The following ZNF512 variants were observed in gnomAD, a reference collection of about 807,000 sequenced individuals.
ZNF512 encodes zinc finger protein 512.
ZNF512 carries 25 observed loss-of-function variants against 77.5 expected under a neutral mutation model. That is an observed-to-expected ratio of 0.32 (90% CI 0.23 to 0.45). ZNF512 has a LOEUF of 0.45. Ranked by LOEUF, ZNF512 falls within the 20% of genes least tolerant of loss-of-function variation. The pLI is 1.00. For missense variants in ZNF512, 483 were observed against 692.6 expected (o/e 0.70, Z 3.40); for synonymous variants, 246 against 239.9 (o/e 1.03, Z -0.24).
chr2:27,610,252 T>C, intron 10 of ZNF512, among the ~76,000 whole-genome samples: 1 of 148,234 alleles, frequency 6.7e-6, no homozygotes, highest in Non-Finnish European at 1.5e-5. Flanking sequence ...TACTCTAAGC[T>C]ACTTGGGAGG....
chr2:27,597,339 A>G (rs745971436), intron 2 of ZNF512, among the ~76,000 whole-genome samples: 4 of 152,220 alleles, frequency 2.6e-5, no homozygotes, highest in Non-Finnish European at 4.4e-5. Context: ...TTAGCTGGAA[A>G]AGGGAGGTTC....
At chr2:27,604,421 C>T (rs1412761912) in intron 9 of ZNF512, among the ~76,000 whole-genome samples, 2 of 151,456 alleles carry the variant, frequency 1.3e-5, no homozygotes, top group Non-Finnish European at 2.9e-5. Flanking sequence ...TAATGTTTAC[C>T]ATTTTAGTGC....
intron 10 of ZNF512, among the ~76,000 whole-genome samples, chr2:27,611,886 C>CG (rs1672682045): frequency 6.6e-6 from 1 of 151,918 alleles, no homozygotes. Flanking sequence ...ATGGTAGAGA[C>CG]GGGGTTTCAC....
In ZNF512 at chr2:27,594,364, A is replaced by T. The variant is rs1156519519; in HGVS notation, c.90-3703A>T. Reference sequence around the variant, plus strand: ...TGGCGGCCGGGCGGAGGCGCTCCTCACCTCCCAGAAGGGGTGGCGGCCGGG... The same window carrying T: ...TGGCGGCCGGGCGGAGGCGCTCCTCTCCTCCCAGAAGGGGTGGCGGCCGGG... On this transcript the variant is annotated intron_variant, in intron 2 of 13. Transcript: ENST00000355467. 5.2e-5 allele frequency among the ~76,000 whole-genome samples: 7 copies of T among 135,118 alleles called. No homozygotes were observed. The South Asian group carries it at 1.5e-3, about 28-fold the overall frequency. The allele number at this position is 135,118 out of a possible 152,430, so 88.6% of individuals were successfully genotyped here.
chr2:27,603,586 G>GTGTGTGTGTGTGTGTGTGTGTGTGTA lies in ZNF512; in HGVS notation c.936+280_936+281insGTGTGTGTGTGTGTGTGTGTGTGTAT, dbSNP rs140043162. Reference sequence around the variant, plus strand: ...ATATTTTTATATAGTGTGTGTGTGTGTATATTTTTTTTTTTTTTTTTCTTC... The same window carrying GTGTGTGTGTGTGTGTGTGTGTGTGTA: ...ATATTTTTATATAGTGTGTGTGTGTGTGTGTGTGTGTGTGTGTGTGTGTGTATATATTTTTTTTTTTTTTTTTCTTC... On this transcript the variant is annotated intron_variant, in intron 9 of 13. Transcript: ENST00000355467. Among the ~76,000 whole-genome samples the GTGTGTGTGTGTGTGTGTGTGTGTGTA allele has an allele frequency of 1.2e-3, 88 of 72,480 alleles. 1 individual carries two copies. Among genetic ancestry groups the GTGTGTGTGTGTGTGTGTGTGTGTGTA allele is most frequent in the African/African-American group, 4.8e-3 (82 of 17,034 alleles). 47.5% of individuals were successfully genotyped at this position (72,480 alleles called of 152,430 possible).
chr2:27,590,935 A>G (rs1005561626), intron 2 of ZNF512, among the ~76,000 whole-genome samples: 1 of 152,254 alleles, frequency 6.6e-6, no homozygotes, highest in African/African-American at 2.4e-5. Flanking sequence ...GTCTGCTTAC[A>G]ATGAATTCTC....
chr2:27,604,733 C>A (rs1672280747), intron 9 of ZNF512, among the ~76,000 whole-genome samples: 1 of 152,144 alleles, frequency 6.6e-6, no homozygotes, highest in Non-Finnish European at 1.5e-5. Flanking sequence ...GAGCTGTGAT[C>A]ATACCACTGC....
chr2:27,617,363 T>C, intron 12 of ZNF512, 110 bp from the exon 13 acceptor site: 1 of 659,712 alleles, frequency 1.5e-6, no homozygotes. Context: ...TTCCTTCTTA[T>C]CTTTGCTGAA....
At chr2:27,589,644 A>C (rs1671485281) in intron 2 of ZNF512, among the ~76,000 whole-genome samples, 1 of 152,110 alleles carries the variant, frequency 6.6e-6, no homozygotes, top group African/African-American at 2.4e-5. Flanking sequence ...TTAAGATGAA[A>C]TCTTAAGTCA....
rs575026623 is a variant in ZNF512 at position 27,608,135 on chromosome 2, A to G, written c.1131+96A>G. 9 of 1,163,784 alleles carry G rather than the reference A, an allele frequency of 7.7e-6. No individual in the cohort carries two copies. The African/African-American group carries it at 1.1e-4, about 14-fold the overall frequency. The allele number at this position is 1,163,784 out of a possible 1,614,324, so 72.1% of individuals were successfully genotyped here. ...AAATGCACTTGAGGAAGTACGTGAT[A>G]GGCAGTATTTTGTTTGTTTATCTTT... On this transcript the variant is annotated intron_variant, in intron 10 of 13. Coordinates refer to ENST00000355467, the MANE Select transcript of ZNF512 (RefSeq NM_032434.4).
intron 10 of ZNF512, among the ~76,000 whole-genome samples, chr2:27,609,924 T>C (rs901754012): frequency 1.7e-4 from 25 of 146,506 alleles, no homozygotes; most frequent in Admixed American, 1.6e-3. Flanking sequence ...AGCTATAGTC[T>C]CAGGTACTGG....
intron 4 of ZNF512, 41 bp downstream of exon 4, chr2:27,599,719 T>G: frequency 6.4e-7 from 1 of 1,556,146 alleles, no homozygotes; most frequent in Non-Finnish European, 8.9e-7. Flanking sequence ...CTTGGGTGAC[T>G]GAGCTTTATT....
chr2:27,608,039 G>T lies in ZNF512; in HGVS notation c.1131G>T (p.Lys377Asn). 6.4e-7 allele frequency: 1 copy of T among 1,558,574 alleles called. No homozygotes were observed. The change falls in exon 10 of 14, where the codon AAG (lysine) becomes AAT (asparagine). Residue 377 changes from lysine (K) to asparagine (N), a missense_variant and splice_region_variant. By Grantham distance (94) the Lys-to-Asn change is moderately conservative. Coordinates refer to ENST00000355467, the MANE Select transcript of ZNF512 (RefSeq NM_032434.4). ...AGGACCTGGTACCTGATGATCGAAA[G>T]GTAAGGCAGAAACATGTATCAATTT... is the stretch of plus-strand genomic sequence containing the variant. ...VLQDLVPDDR[K>N]LKYTRPGLPT...
Position 27,610,563 on chromosome 2 carries a change from T to C in ZNF512, c.1131+2524T>C, listed in dbSNP as rs1418266664. ...GTGTGTGTATATATATATATATATA[T>C]ATATATTTTTTTTTTTTTTTTTTTT... is the stretch of plus-strand genomic sequence containing the variant. On this transcript the variant is annotated intron_variant, in intron 10 of 13. Coordinates refer to ENST00000355467, the MANE Select transcript of ZNF512 (RefSeq NM_032434.4). Among the ~76,000 whole-genome samples the C allele has an allele frequency of 6.3e-4, 24 of 38,140 alleles. 4 individuals carry two copies. The highest frequency in any genetic ancestry group is 1.2e-3 in the African/African-American group (12 of 9,900). The allele number at this position is 38,140 out of a possible 152,430, so 25.0% of individuals were successfully genotyped here.
intron 2 of ZNF512, among the ~76,000 whole-genome samples, chr2:27,595,804 C>T (rs1572912207): frequency 6.6e-6 from 1 of 151,984 alleles, no homozygotes; most frequent in African/African-American, 2.4e-5. Flanking sequence ...CCACCTTTTC[C>T]TTCATTTCTT....
At chr2:27,584,837 T>C (rs775025420) in intron 2 of ZNF512, among the ~76,000 whole-genome samples, 1 of 152,126 alleles carries the variant, frequency 6.6e-6, no homozygotes, top group Non-Finnish European at 1.5e-5. Context: ...GAGAGGTTAG[T>C]AGGGGCTAGA....
chr2:27,608,095 T>G, intron 10 of ZNF512, 56 bp downstream of exon 10: 1 of 1,465,562 alleles, frequency 6.8e-7, no homozygotes, highest in South Asian at 1.4e-5. Context: ...TTGTGCCTAC[T>G]GTACACAGAG....
At chr2:27,598,853 C>T (rs751904951) in intron 3 of ZNF512, among the ~76,000 whole-genome samples, 2 of 150,114 alleles carry the variant, frequency 1.3e-5, no homozygotes, top group Non-Finnish European at 3.0e-5. Context: ...TTTTTTGAGA[C>T]GGAGTTTCAC....
rs747627772 is a variant in ZNF512, at chr2:27,602,477, C to T, written c.684C>T (p.Ala228=). ...TTGATTTCTAGCCCATTTTGAAAGC[C>T]GGAGATGAAATAGATGAGCCAAGTG... ...ANHNSLPILK[A]GDEIDEPSER... Residue 228 remains alanine (A), a synonymous_variant, in exon 8 of 14, where the codon GCC becomes GCT. Coordinates refer to ENST00000355467, the MANE Select transcript of ZNF512 (RefSeq NM_032434.4). 3.2e-5 allele frequency: 51 copies of T among 1,613,274 alleles called. No individual in the cohort carries two copies. Among genetic ancestry groups the T allele is most frequent in the African/African-American group, 4.0e-5 (3 of 74,820 alleles).
Sources: gnomAD v4.1 joint callset for allele counts (sites outside exome capture counted in the v4.1 genomes callset) on GRCh38, gnomAD v4.1.1 for gene constraint, MANE v1.5 for transcripts, NCBI Gene and HGNC (gene_info 2026-07-23, HGNC 2026-07-21) for gene names.